The following SLC9A9 variants were observed in gnomAD, a reference collection of about 807,000 sequenced individuals.
The protein encoded by SLC9A9 is solute carrier family 9 member A9, also known as sodium/hydrogen exchanger 9.
SLC9A9 carries 62 observed loss-of-function variants against 77.8 expected under a neutral mutation model. The ratio of observed to expected loss-of-function variants is 0.80; its 90% CI spans 0.65 to 0.98. The LOEUF is 0.98. Among genes scored for constraint, SLC9A9 ranks in the 50% least tolerant of loss-of-function variants. SLC9A9 has a pLI of 0.00. For synonymous variants in SLC9A9, 320 were observed against 283.5 expected (o/e 1.13, Z -1.29); for missense variants, 775 against 774.9 (o/e 1.00, Z 0.00).
chr3:143,378,941 G>A (rs1652649271), intron 13 of SLC9A9, among the ~76,000 whole-genome samples: 1 of 152,004 alleles, frequency 6.6e-6, no homozygotes, highest in Non-Finnish European at 1.5e-5. Flanking sequence ...TTACTAGTTA[G>A]CCACAGCTAC....
Position 143,656,641 on chromosome 3 carries a change from A to G in SLC9A9, c.650-4281T>C, listed in dbSNP as rs149553331. 3.9e-4 allele frequency among the ~76,000 whole-genome samples: 59 copies of G among 152,304 alleles called. No homozygotes were observed. In the East Asian group the frequency reaches 0.011, roughly 28 times the overall value. ...GCAGCTCTCAGCAACCTAGCACAAG[A>G]TCTGCCTAGGTCGAAGGACAACAAC... On this transcript the variant is annotated intron_variant, in intron 5 of 15. Transcript: ENST00000316549.
chr3:143,611,889 A>G (rs2108699938), intron 6 of SLC9A9, among the ~76,000 whole-genome samples: 1 of 152,226 alleles, frequency 6.6e-6, no homozygotes, highest in East Asian at 1.9e-4. Flanking sequence ...ACACACCACC[A>G]TACCTGGCTA....
intron 12 of SLC9A9, among the ~76,000 whole-genome samples, chr3:143,424,662 C>A (rs1460345563): frequency 6.6e-6 from 1 of 152,064 alleles, no homozygotes; most frequent in African/African-American, 2.4e-5. Flanking sequence ...CTGTGCCCGG[C>A]CTGAAACCTT....
At chr3:143,505,978 T>G (rs1483461868) in intron 9 of SLC9A9, among the ~76,000 whole-genome samples, 1 of 152,196 alleles carries the variant, frequency 6.6e-6, no homozygotes, top group South Asian at 2.1e-4. Context: ...CTTTGGAGTC[T>G]TCCCTTTAAA....
At chr3:143,463,837 T>G (rs969929245) in intron 12 of SLC9A9, among the ~76,000 whole-genome samples, 1 of 152,200 alleles carries the variant, frequency 6.6e-6, no homozygotes, top group Non-Finnish European at 1.5e-5. Context: ...AAAATTTGGT[T>G]CACATATAAA....
At chr3:143,810,224 G>A (rs2008828069) in intron 2 of SLC9A9, among the ~76,000 whole-genome samples, 1 of 152,172 alleles carries the variant, frequency 6.6e-6, no homozygotes, top group South Asian at 2.1e-4. Context: ...TCCCAGAGTG[G>A]AAAGGATATG....
At chr3:143,426,937 G>T (rs76204570) in intron 12 of SLC9A9, among the ~76,000 whole-genome samples, 2,322 of 152,274 alleles carry the variant, frequency 0.015, 36 homozygotes, top group Non-Finnish European at 0.02. Flanking sequence ...AAGTGGCAGA[G>T]CTGGGATTCA....
At chr3:143,804,261 C>T (rs1024644343) in intron 2 of SLC9A9, among the ~76,000 whole-genome samples, 5 of 152,180 alleles carry the variant, frequency 3.3e-5, no homozygotes, top group Non-Finnish European at 5.9e-5. Flanking sequence ...TAGGAAGACA[C>T]TTACCCTGTA....
chr3:143,344,878 A>C (rs2108467742), intron 14 of SLC9A9, among the ~76,000 whole-genome samples: 2 of 152,252 alleles, frequency 1.3e-5, no homozygotes, highest in East Asian at 3.9e-4. Flanking sequence ...AGTGTTATGT[A>C]GTTCTTTAAA....
chr3:143,479,034 T>G (rs1055815972), intron 11 of SLC9A9, among the ~76,000 whole-genome samples: 6 of 152,176 alleles, frequency 3.9e-5, no homozygotes. Flanking sequence ...CTGTCTCCTT[T>G]TATTACTCAG....
rs372123185 is a variant in SLC9A9, at chr3:143,276,776, TA to T, written c.1605-7797del. ...CCTTCCCTGGCTGTAGAGTTTTGTC[TA>T]AAAAAAAAAACCTCCAAAAAAACTG... On this transcript the variant is annotated intron_variant, in intron 14 of 15. Coordinates refer to ENST00000316549, the MANE Select transcript of SLC9A9 (RefSeq NM_173653.4). 4.2e-3 allele frequency among the ~76,000 whole-genome samples: 608 copies of T among 143,502 alleles called. 2 individuals are homozygous for T. The highest frequency in any genetic ancestry group is 0.014 in the African/African-American group (540 of 39,334). 94.1% of individuals were successfully genotyped at this position (143,502 alleles called of 152,430 possible). A position where few individuals can be genotyped will look rare whatever the true frequency, so the allele number is the denominator to read the frequency against.
At chr3:143,464,742 G>A (rs1366172351) in intron 12 of SLC9A9, among the ~76,000 whole-genome samples, 1 of 152,188 alleles carries the variant, frequency 6.6e-6, no homozygotes, top group African/African-American at 2.4e-5. Flanking sequence ...AAGACCTACT[G>A]GATGAGAAAC....
At chr3:143,714,242 G>T (rs1365578112) in intron 4 of SLC9A9, among the ~76,000 whole-genome samples, 1 of 152,040 alleles carries the variant, frequency 6.6e-6, no homozygotes, top group East Asian at 1.9e-4. Flanking sequence ...CTTTGAGGAG[G>T]ACCTGCAGGT....
In SLC9A9 at chr3:143,518,158, G is replaced by A. The variant is rs2036234642; in HGVS notation, c.1090-22710C>T. On this transcript the variant is annotated intron_variant, in intron 9 of 15. Coordinates refer to ENST00000316549, the MANE Select transcript of SLC9A9 (RefSeq NM_173653.4). ...CCCTCAGGAAGCGCATTTCCTCGGT[G>A]TGCAGAACGCTCGGATCCTCCTTAC... 3.1e-6 allele frequency: 5 copies of A among 1,600,062 alleles called. No individual in the cohort carries two copies. The South Asian group carries it at 3.3e-5, about 11-fold the overall frequency.
At chr3:143,732,016 A>C (rs1934817830) in intron 4 of SLC9A9, among the ~76,000 whole-genome samples, 1 of 152,180 alleles carries the variant, frequency 6.6e-6, no homozygotes, top group African/African-American at 2.4e-5. Flanking sequence ...TCAGCACATG[A>C]ACTGCCCAAC....
At chr3:143,705,309 G>T (rs759597327) in intron 4 of SLC9A9, among the ~76,000 whole-genome samples, 1 of 152,002 alleles carries the variant, frequency 6.6e-6, no homozygotes, top group Admixed American at 6.6e-5. Context: ...GGTAGTGGGG[G>T]TGTGGAGGAG....
At chr3:143,597,106 G>C (rs367707957) in intron 6 of SLC9A9, among the ~76,000 whole-genome samples, 3 of 152,304 alleles carry the variant, frequency 2.0e-5, no homozygotes, top group South Asian at 2.1e-4. Flanking sequence ...GATGTGCTTT[G>C]GTTAAGGAAA....
At chr3:143,723,960 C>A (rs1385442874) in intron 4 of SLC9A9, among the ~76,000 whole-genome samples, 1 of 152,116 alleles carries the variant, frequency 6.6e-6, no homozygotes, top group Non-Finnish European at 1.5e-5. Flanking sequence ...AAATAAACAC[C>A]CCTGATGGTC....
At chr3:143,796,445 T>A (rs1309158713) in intron 3 of SLC9A9, among the ~76,000 whole-genome samples, 1 of 152,240 alleles carries the variant, frequency 6.6e-6, no homozygotes, top group Non-Finnish European at 1.5e-5. Context: ...TTTGATAATG[T>A]TTTGTTTAAT....
Sources: gnomAD v4.1 joint callset for allele counts (sites outside exome capture counted in the v4.1 genomes callset) on GRCh38, gnomAD v4.1.1 for gene constraint, MANE v1.5 for transcripts, NCBI Gene and HGNC (gene_info 2026-07-23, HGNC 2026-07-21) for gene names.